NRG2: variants seen among roughly 807,000 people sequenced by gnomAD.
NRG2 encodes the protein neuregulin 2, also known as pro-neuregulin-2, membrane-bound isoform.
A neutral mutation model predicts 73.9 loss-of-function variants in NRG2; 27 were observed. The observed-to-expected ratio is 0.37, with a 90% CI of 0.27 to 0.50. The LOEUF (loss-of-function observed/expected upper bound fraction) is 0.50. NRG2 is among the 20% of genes least tolerant of loss of function. The pLI, the probability that NRG2 is intolerant of heterozygous loss-of-function variation, is 0.96. For missense variants in NRG2, 1,126 were observed against 1,210.1 expected (o/e 0.93, Z 1.03); for synonymous variants, 532 against 541.0 (o/e 0.98, Z 0.23).
chr5:140,034,386 T>G (rs1761360833), intron 1 of NRG2, among the ~76,000 whole-genome samples: 1 of 152,068 alleles, frequency 6.6e-6, no homozygotes, highest in African/African-American at 2.4e-5. Flanking sequence ...GCTAAAATCA[T>G]ACTTAATCAT....
chr5:139,955,916 A>G (rs1326911127), intron 1 of NRG2, among the ~76,000 whole-genome samples: 1 of 152,168 alleles, frequency 6.6e-6, no homozygotes, highest in East Asian at 1.9e-4. Context: ...CCTCACCCTC[A>G]GCTTCTTCCT....
chr5:139,930,018 C>T (rs10067614), intron 1 of NRG2, among the ~76,000 whole-genome samples: 1,918 of 152,206 alleles, frequency 0.013, 32 homozygotes, highest in African/African-American at 0.044. Context: ...ATTCTTAACC[C>T]AAGACATTCA....
chr5:139,887,289 AGAG>A lies in NRG2; in HGVS notation c.872+48_872+50del. 6.3e-7 allele frequency: 1 copy of A among 1,596,318 alleles called. No individual in the cohort carries two copies. The highest frequency in any genetic ancestry group is 8.6e-7 in the Non-Finnish European group (1 of 1,167,344). ...GCCCAGTTCAGGCCACTCCTTCTCG[AGAG>A]GAGGGAGGGCAGCTGCTTGGATGGA... is the stretch of plus-strand genomic sequence containing the variant. On this transcript the variant is annotated intron_variant, in intron 2 of 9. Transcript: ENST00000361474. The surrounding 1 kb of genome is among the most constrained non-coding windows in gnomAD (Gnocchi z 4.5).
Position 139,848,550 on chromosome 5 carries a change from G to A in NRG2, c.1920C>T (p.Arg640=). The change falls in exon 10 of 10, where the codon CGC becomes CGT. Residue 640 remains arginine, a synonymous_variant. Transcript: ENST00000361474. ...SLPPAAPISY[R]LAEQQPLLRH... is the part of the protein sequence containing the mutation. ...GCAGTAACGGCTGCTGCTCGGCCAGGCGGTAACTGATGGGCGCCGCCGGCG... is the reference window on the plus strand; with the variant it reads ...GCAGTAACGGCTGCTGCTCGGCCAGACGGTAACTGATGGGCGCCGCCGGCG... The A allele has an allele frequency of 6.5e-7, 1 of 1,532,250 alleles. No individual in the cohort carries two copies. Among genetic ancestry groups the A allele is most frequent in the Non-Finnish European group, 8.7e-7 (1 of 1,151,088 alleles). 94.9% of individuals were successfully genotyped at this position (1,532,250 alleles called of 1,614,324 possible). A position where few individuals can be genotyped will look rare whatever the true frequency, so the allele number is the denominator to read the frequency against.
chr5:139,968,951 A>C (rs1755778365), intron 1 of NRG2, among the ~76,000 whole-genome samples: 2 of 152,144 alleles, frequency 1.3e-5, no homozygotes, highest in Admixed American at 6.5e-5. Context: ...GAGATGAGGA[A>C]GGTGCGCGGG....
chr5:139,914,916 C>T (rs899379321), intron 1 of NRG2, among the ~76,000 whole-genome samples: 7 of 152,184 alleles, frequency 4.6e-5, no homozygotes, highest in Non-Finnish European at 1.0e-4. Context: ...GTAGGCCCCC[C>T]AGCTGGTTAC....
chr5:139,869,894 G>A lies in NRG2; in HGVS notation c.1112+1827C>T, dbSNP rs750648931. On this transcript the variant is annotated intron_variant, in intron 4 of 9. Coordinates refer to ENST00000361474, the MANE Select transcript of NRG2 (RefSeq NM_004883.3). The surrounding 1 kb of genome is among the most constrained non-coding windows in gnomAD (Gnocchi z 4.5). ...TTGCCCACACCGAACTCTAGCACTGGAGCCCTGGCCCCCATGGCCCTCCTC... is the reference window on the plus strand; with the variant it reads ...TTGCCCACACCGAACTCTAGCACTGAAGCCCTGGCCCCCATGGCCCTCCTC... Among the ~76,000 whole-genome samples the A allele has an allele frequency of 6.6e-6, 1 of 152,162 alleles. No homozygotes were observed. Among genetic ancestry groups the A allele is most frequent in the Non-Finnish European group, 1.5e-5 (1 of 68,026 alleles).
rs1303458177 is a variant in NRG2 at position 139,923,237 on chromosome 5, GT to G, written c.701-35727del. The stretch of plus-strand genomic sequence containing the variant: ...TGGGATCTTTCTGTGCTTCTGCCTA[GT>G]TTTGCTGTGAACCTTAAAACTGCTC... On this transcript the variant is annotated intron_variant, in intron 1 of 9. Transcript: ENST00000361474. 3.3e-5 allele frequency among the ~76,000 whole-genome samples: 5 copies of G among 152,216 alleles called. No homozygotes were observed. In the East Asian group the frequency reaches 9.6e-4, roughly 29 times the overall value.
chr5:140,029,416 C>T (rs767970222), intron 1 of NRG2, among the ~76,000 whole-genome samples: 1 of 152,174 alleles, frequency 6.6e-6, no homozygotes, highest in Non-Finnish European at 1.5e-5. Flanking sequence ...CTAAGCACTT[C>T]ATGTGGAGTA....
Position 139,990,305 on chromosome 5 carries a change from A to ATT in NRG2, c.700+52063_700+52064dup, listed in dbSNP as rs1757518510. On this transcript the variant is annotated intron_variant, in intron 1 of 9. Coordinates refer to ENST00000361474, the MANE Select transcript of NRG2 (RefSeq NM_004883.3). ...ATTTTATTTTATTTTATTTTATTTT[A>ATT]TTTTATTTTATTTTGAGATGGAGTT... 2.0e-5 allele frequency among the ~76,000 whole-genome samples: 3 copies of ATT among 150,572 alleles called. No homozygotes were observed. In the South Asian group the frequency reaches 6.3e-4, roughly 32 times the overall value.
chr5:139,886,394 C>A (rs1763873185), intron 2 of NRG2, among the ~76,000 whole-genome samples: 1 of 152,134 alleles, frequency 6.6e-6, no homozygotes, highest in Non-Finnish European at 1.5e-5. Context: ...TGTGGGCAGG[C>A]TGGTGTGCTC....
At position 139,870,303 on chromosome 5, in the gene NRG2, A is replaced by G. The variant is rs1005419046; in HGVS notation, c.1112+1418T>C. 1.3e-5 allele frequency among the ~76,000 whole-genome samples: 2 copies of G among 152,164 alleles called. No homozygotes were observed. The highest frequency in any genetic ancestry group is 1.9e-4 in the East Asian group (1 of 5,164). On this transcript the variant is annotated intron_variant, in intron 4 of 9. Coordinates refer to ENST00000361474, the MANE Select transcript of NRG2 (RefSeq NM_004883.3). This position sits in a 1 kb window ranked among gnomAD's most constrained non-coding sequence, Gnocchi z 4.4. Reference sequence around the variant, plus strand: ...CTTCCCTAGAGGGCCTGTTGTTGCTACTGGGACTCTCCTCTAAGGTTCAGG... The same window carrying G: ...CTTCCCTAGAGGGCCTGTTGTTGCTGCTGGGACTCTCCTCTAAGGTTCAGG...
chr5:139,997,313 C>T (rs1412279587), intron 1 of NRG2, among the ~76,000 whole-genome samples: 1 of 152,152 alleles, frequency 6.6e-6, no homozygotes. Flanking sequence ...TACTAAAGCT[C>T]AGCACTCTGC....
intron 1 of NRG2, among the ~76,000 whole-genome samples, chr5:139,946,000 T>C (rs1753773918): frequency 2.0e-5 from 3 of 152,102 alleles, no homozygotes; most frequent in Admixed American, 6.5e-5. Flanking sequence ...CATATGTTCA[T>C]GAATCAGGAG....
intron 1 of NRG2, among the ~76,000 whole-genome samples, chr5:139,943,020 T>A (rs189938496): frequency 8.2e-4 from 125 of 152,306 alleles, no homozygotes; most frequent in African/African-American, 2.9e-3. Context: ...TTTGTATTTT[T>A]AGTAGAGACG....
intron 1 of NRG2, among the ~76,000 whole-genome samples, chr5:140,024,619 G>T (rs374990277): frequency 1.3e-5 from 2 of 152,108 alleles, no homozygotes; most frequent in East Asian, 3.9e-4. Context: ...CTCATTTTTT[G>T]ATCAACTCTT....
intron 1 of NRG2, among the ~76,000 whole-genome samples, chr5:140,014,444 C>A (rs916494694): frequency 6.6e-6 from 1 of 152,018 alleles, no homozygotes; most frequent in Non-Finnish European, 1.5e-5. Context: ...GCCATGTTGC[C>A]CAGGCTGGTC....
intron 1 of NRG2, among the ~76,000 whole-genome samples, chr5:139,978,139 C>T (rs1229795688): frequency 6.6e-6 from 1 of 152,122 alleles, no homozygotes; most frequent in Non-Finnish European, 1.5e-5. Flanking sequence ...AAAGAAACTA[C>T]CATCAGAGGG....
intron 1 of NRG2, among the ~76,000 whole-genome samples, chr5:139,942,219 G>A (rs1406838492): frequency 6.6e-6 from 1 of 152,142 alleles, no homozygotes; most frequent in Non-Finnish European, 1.5e-5. Flanking sequence ...ACTGTCAATG[G>A]TTAAGTTCCT....
Sources: allele counts gnomAD v4.1 joint callset (sites outside exome capture counted in the v4.1 genomes callset), GRCh38; gene constraint gnomAD v4.1.1; non-coding constraint Gnocchi (gnomAD v3.1); transcripts MANE v1.5; gene names NCBI Gene and HGNC (gene_info 2026-07-23, HGNC 2026-07-21).